Variants in NEMF observed in about 807,000 individuals in gnomAD.
The protein encoded by NEMF is ribosome quality control complex subunit NEMF.
In NEMF, 89 loss-of-function variants were observed where a neutral mutation model predicts 162.2. That is an observed-to-expected ratio of 0.55 (90% CI 0.46 to 0.65). The LOEUF (loss-of-function observed/expected upper bound fraction) is 0.65. Among genes scored for constraint, NEMF ranks in the 30% least tolerant of loss-of-function variants. NEMF has a pLI of 0.00. For missense variants in NEMF, 1,133 were observed against 1,261.9 expected (o/e 0.90, Z 1.55); for synonymous variants, 421 against 404.5 (o/e 1.04, Z -0.49).
At position 49,829,381 on chromosome 14, in the gene NEMF, C is replaced by T. The variant is rs147568381; in HGVS notation, c.991G>A (p.Glu331Lys). ...TGCTGAAGAGCTTCCAATCTGTTTT[C>T]GTGATCCTTTCGAACATTATCTAAT... is the stretch of plus-strand genomic sequence containing the variant. ...KKLDNVRKDHENRLEALQQAQ... is the reference protein window; with the variant it reads ...KKLDNVRKDHKNRLEALQQAQ... The change falls in exon 12 of 33, where the codon GAA becomes AAA. Residue 331 changes from glutamate to lysine, a missense_variant. Transcript: ENST00000298310. 5.0e-5 allele frequency: 80 copies of T among 1,614,138 alleles called. No individual in the cohort carries two copies. In the African/African-American group the frequency reaches 7.7e-4, roughly 16 times the overall value.
intron 19 of NEMF, among the ~76,000 whole-genome samples, chr14:49,804,764 C>T (rs1012680529): frequency 8.5e-5 from 13 of 152,130 alleles, no homozygotes; most frequent in African/African-American, 3.1e-4. Context: ...AGTGTGCTAG[C>T]TCATGCCTGT....
At chr14:49,851,223 A>C (rs1464696409) in intron 3 of NEMF, among the ~76,000 whole-genome samples, 1 of 152,202 alleles carries the variant, frequency 6.6e-6, no homozygotes, top group African/African-American at 2.4e-5. Context: ...CAAAAAAACA[A>C]ACAAACAAAA....
chr14:49,838,205 A>G lies in NEMF; in HGVS notation c.508T>C (p.Leu170=). ...AAEPLLTLER[L]TEIVASAPKG... is the part of the protein sequence containing the mutation. Reference sequence around the variant, plus strand: ...GGTGCGCTGGCTACTATTTCAGTCAACCTGTGAAACAAAACGGACATGCCT... The same window carrying G: ...GGTGCGCTGGCTACTATTTCAGTCAGCCTGTGAAACAAAACGGACATGCCT... Residue 170 remains leucine, a splice_region_variant and synonymous_variant, in exon 6 of 33, where the codon TTG becomes CTG. Coordinates refer to ENST00000298310, the MANE Select transcript of NEMF (RefSeq NM_004713.6). 1.9e-6 allele frequency: 3 copies of G among 1,613,844 alleles called. No homozygotes were observed. The highest frequency in any genetic ancestry group is 2.5e-6 in the Non-Finnish European group (3 of 1,179,776).
Position 49,782,817 on chromosome 14 carries a change from T to G in NEMF, c.*1819A>C, listed in dbSNP as rs201175228. 20 of 1,609,016 alleles carry G rather than the reference T, an allele frequency of 1.2e-5. No homozygotes were observed. Among genetic ancestry groups the G allele is most frequent in the Middle Eastern group, 1.7e-4 (1 of 6,030 alleles). ...AAGTGAAATTACTTTTCTCTTTCCTTGTCCACTTTCAGGCTAAGCTTAGAA... is the reference window on the plus strand; with the variant it reads ...AAGTGAAATTACTTTTCTCTTTCCTGGTCCACTTTCAGGCTAAGCTTAGAA... On this transcript the variant is annotated 3_prime_UTR_variant, in exon 33 of 33. Transcript: ENST00000298310.
Position 49,789,290 on chromosome 14 carries a change from T to TG in NEMF, c.2750dup (p.Asp919GlyfsTer12). ...GCTGTTTCTTCACAGGTTCGTCCTT[T>TG]GTTTTTCCTTTCTTCCCCTTCTTCC... On this transcript the variant is annotated frameshift_variant, in exon 28 of 33. Coordinates refer to ENST00000298310, the MANE Select transcript of NEMF (RefSeq NM_004713.6). LOFTEE classifies it high-confidence loss of function. The TG allele has an allele frequency of 6.2e-7, 1 of 1,614,208 alleles. No individual in the cohort carries two copies. The highest frequency in any genetic ancestry group is 8.5e-7 in the Non-Finnish European group (1 of 1,180,034).
intron 3 of NEMF, among the ~76,000 whole-genome samples, chr14:49,847,726 TTTTTTTTTC>T (rs1259331360): frequency 5.0e-4 from 20 of 40,320 alleles, no homozygotes; most frequent in African/African-American, 1.9e-3. Flanking sequence ...TTTTTTTTTT[TTTTTTTTTC>T]TTTAAGAGAG....
At chr14:49,847,933 G>A (rs1344213480) in intron 3 of NEMF, among the ~76,000 whole-genome samples, 1 of 151,156 alleles carries the variant, frequency 6.6e-6, no homozygotes, top group East Asian at 2.0e-4. Context: ...TCAGGAGGCT[G>A]AGGCAAAAGA....
At chr14:49,784,853 A>G (rs1890085918) in intron 32 of NEMF, 72 bp downstream of exon 32, 3 of 1,457,136 alleles carry the variant, frequency 2.1e-6, no homozygotes, top group South Asian at 1.2e-5. Context: ...TTCTACTAAA[A>G]TAACAAAAAA....
intron 16 of NEMF, among the ~76,000 whole-genome samples, chr14:49,819,233 T>C (rs917999890): frequency 1.3e-5 from 2 of 152,098 alleles, no homozygotes; most frequent in African/African-American, 4.8e-5. Flanking sequence ...CAGTTAACAA[T>C]ACTGTATTAC....
At chr14:49,788,683 T>C (rs972589673) in intron 28 of NEMF, among the ~76,000 whole-genome samples, 2 of 151,784 alleles carry the variant, frequency 1.3e-5, no homozygotes, top group African/African-American at 2.4e-5. Context: ...GCCTCCCAAG[T>C]AGCTGAGACT....
intron 16 of NEMF, among the ~76,000 whole-genome samples, chr14:49,824,778 C>T (rs1892257510): frequency 6.6e-6 from 1 of 152,016 alleles, no homozygotes; most frequent in South Asian, 2.1e-4. Context: ...ACCTCAAAAA[C>T]TCTGCTTTCT....
At chr14:49,837,359 T>C (rs572014100) in intron 6 of NEMF, among the ~76,000 whole-genome samples, 1 of 152,190 alleles carries the variant, frequency 6.6e-6, no homozygotes, top group East Asian at 1.9e-4. Context: ...TACAGAAATT[T>C]GCCAGGGGAA....
At chr14:49,807,412 G>T (rs954297989) in intron 18 of NEMF, among the ~76,000 whole-genome samples, 1 of 152,144 alleles carries the variant, frequency 6.6e-6, no homozygotes, top group African/African-American at 2.4e-5. Flanking sequence ...GAGAGGAATT[G>T]CTGGGTCAAT....
At chr14:49,833,249 G>C (rs1312471531) in intron 8 of NEMF, among the ~76,000 whole-genome samples, 174 bp downstream of exon 8, 1 of 152,122 alleles carries the variant, frequency 6.6e-6, no homozygotes, top group Non-Finnish European at 1.5e-5. Context: ...CTGGGTAACA[G>C]AGCAAGACTG....
At chr14:49,803,469 A>G (rs190109644) in intron 19 of NEMF, among the ~76,000 whole-genome samples, 175 bp from the exon 20 acceptor site, 196 of 152,236 alleles carry the variant, frequency 1.3e-3, no homozygotes, top group African/African-American at 4.5e-3. Context: ...AATGACAGAT[A>G]AGCCTTTGGA....
chr14:49,799,846 C>T (rs1890875705), intron 23 of NEMF, among the ~76,000 whole-genome samples, 168 bp from the exon 24 acceptor site: 1 of 152,202 alleles, frequency 6.6e-6, no homozygotes, highest in African/African-American at 2.4e-5. Context: ...CTCCACACTT[C>T]CATATACATT....
intron 3 of NEMF, 118 bp from the exon 4 acceptor site, chr14:49,846,383 A>T: frequency 1.1e-6 from 1 of 891,824 alleles, no homozygotes. Context: ...CGTTGTGAAT[A>T]ACAGTATAGT....
Position 49,789,357 on chromosome 14 carries a change from A to G in NEMF, c.2698-14T>C. On this transcript the variant is annotated splice_polypyrimidine_tract_variant and intron_variant, in intron 27 of 32. Transcript: ENST00000298310. The stretch of plus-strand genomic sequence containing the variant: ...TGAACCTGCAGACTTTAATTCATAG[A>G]GGAAACATCAGTCAGTGTTGTATTT... 1 of 1,613,514 alleles carries G rather than the reference A, an allele frequency of 6.2e-7. No homozygotes were observed. The highest frequency in any genetic ancestry group is 1.1e-5 in the South Asian group (1 of 91,072).
At chr14:49,793,402 G>A (rs780409827) in intron 26 of NEMF, among the ~76,000 whole-genome samples, 1 of 152,140 alleles carries the variant, frequency 6.6e-6, no homozygotes, top group Non-Finnish European at 1.5e-5. Context: ...AAATAGGTAG[G>A]GCGCAGTGGC....
Sources: allele counts gnomAD v4.1 joint callset (sites outside exome capture counted in the v4.1 genomes callset), GRCh38; gene constraint gnomAD v4.1.1; transcripts MANE v1.5; gene names NCBI Gene and HGNC (gene_info 2026-07-23, HGNC 2026-07-21).